TBC1D9: variants seen among roughly 807,000 people sequenced by gnomAD.
The protein encoded by TBC1D9 is TBC1 domain family member 9A.
In TBC1D9, 63 loss-of-function variants were observed where a neutral mutation model predicts 132.0. The ratio of observed to expected loss-of-function variants is 0.48; its 90% CI spans 0.39 to 0.59. TBC1D9 has a LOEUF of 0.59. TBC1D9 is among the 20% of genes least tolerant of loss of function. The probability of loss-of-function intolerance (pLI) is 0.00; values close to 1 mark genes in which losing one functional copy is unlikely to be tolerated. For synonymous variants in TBC1D9, 610 were observed against 609.9 expected (o/e 1.00, Z 0.00); for missense variants, 1,261 against 1,592.7 (o/e 0.79, Z 3.54).
At chr4:140,750,304 A>T (rs927161182) in intron 1 of TBC1D9, among the ~76,000 whole-genome samples, 2 of 152,062 alleles carry the variant, frequency 1.3e-5, no homozygotes, top group African/African-American at 2.4e-5. Flanking sequence ...CCTGTCAAGA[A>T]AGGCAAAGAC....
Position 140,661,907 on chromosome 4 carries a change from T to A in TBC1D9, c.1789A>T (p.Ile597Leu). The A allele has an allele frequency of 6.2e-7, 1 of 1,613,696 alleles. No individual in the cohort carries two copies. Among genetic ancestry groups the A allele is most frequent in the Non-Finnish European group, 8.5e-7 (1 of 1,179,680 alleles). The change falls in exon 10 of 21, where the codon ATA (isoleucine) becomes TTA (leucine). Residue 597 changes from isoleucine (I) to leucine (L), a missense_variant. This residue lies in a region of TBC1D9 where 93 missense variants were observed against 169.2 expected (regional missense o/e 0.55). Coordinates refer to ENST00000442267, the MANE Select transcript of TBC1D9 (RefSeq NM_015130.3). ...LTAYAFRNPNIGYCQAMNIVT... is the reference protein window; with the variant it reads ...LTAYAFRNPNLGYCQAMNIVT... Reference sequence around the variant, plus strand: ...GTGACATTTACCTGGCAATACCCTATGTTGGGATTTCGAAAAGCATAAGCT... The same window carrying A: ...GTGACATTTACCTGGCAATACCCTAAGTTGGGATTTCGAAAAGCATAAGCT...
chr4:140,709,376 T>C (rs769877731), intron 1 of TBC1D9, among the ~76,000 whole-genome samples: 9 of 151,752 alleles, frequency 5.9e-5, no homozygotes. Context: ...TTCTCAAACA[T>C]TGTGGCTAAG....
chr4:140,646,283 G>A (rs951684850), intron 13 of TBC1D9, among the ~76,000 whole-genome samples: 7 of 152,284 alleles, frequency 4.6e-5, no homozygotes, highest in South Asian at 4.1e-4. Flanking sequence ...AACCCAGGTC[G>A]TCTGATTTGA....
intron 13 of TBC1D9, chr4:140,642,844 G>A: frequency 1.7e-6 from 1 of 578,776 alleles, no homozygotes; most frequent in Non-Finnish European, 3.1e-6. Flanking sequence ...GGGCTCTCGG[G>A]GGCGTGGGTC....
At chr4:140,622,972 G>C in intron 20 of TBC1D9, 55 bp from the exon 21 acceptor site, 4 of 1,460,550 alleles carry the variant, frequency 2.7e-6, no homozygotes, top group Non-Finnish European at 3.6e-6. Flanking sequence ...CAGAAAGGCA[G>C]CACTGAAGTG....
At chr4:140,663,839 C>A (rs1737402350) in intron 9 of TBC1D9, among the ~76,000 whole-genome samples, 1 of 151,856 alleles carries the variant, frequency 6.6e-6, no homozygotes, top group Non-Finnish European at 1.5e-5. Flanking sequence ...CTAATATAGT[C>A]AAACTCATAG....
intron 1 of TBC1D9, among the ~76,000 whole-genome samples, chr4:140,748,600 CAT>C (rs1418917967): frequency 6.6e-6 from 1 of 152,180 alleles, no homozygotes; most frequent in African/African-American, 2.4e-5. Context: ...AGAAAAAAGA[CAT>C]ATTACTCACA....
intron 1 of TBC1D9, among the ~76,000 whole-genome samples, chr4:140,712,470 C>T (rs916582133): frequency 0.011 from 333 of 30,214 alleles, 4 homozygotes; most frequent in African/African-American, 0.091. Context: ...ATGCCAGGTG[C>T]GGTGGCTCAG....
chr4:140,652,828 C>A (rs992833290), intron 13 of TBC1D9, among the ~76,000 whole-genome samples: 2 of 152,226 alleles, frequency 1.3e-5, no homozygotes, highest in African/African-American at 4.8e-5. Context: ...AAATGCCTAT[C>A]CATCTTCACA....
intron 13 of TBC1D9, chr4:140,643,533 G>A: frequency 1.1e-6 from 1 of 874,270 alleles, no homozygotes; most frequent in Non-Finnish European, 1.8e-6. Flanking sequence ...CTCCCCGGCG[G>A]GCACGTCACA....
chr4:140,724,640 G>GAA (rs568871378), intron 1 of TBC1D9, among the ~76,000 whole-genome samples: 3 of 128,902 alleles, frequency 2.3e-5, no homozygotes, highest in African/African-American at 2.8e-5. Flanking sequence ...AGAGAAATTG[G>GAA]AAAAAAAAAA....
At chr4:140,652,047 T>C (rs1578825388) in intron 13 of TBC1D9, among the ~76,000 whole-genome samples, 2 of 152,106 alleles carry the variant, frequency 1.3e-5, no homozygotes, top group East Asian at 3.9e-4. Context: ...GAGATCAACC[T>C]AGCCAACTTG....
At position 140,623,117 on chromosome 4, in the gene TBC1D9, CTTT is replaced by C. The variant is rs1485526778; in HGVS notation, c.3079-203_3079-201del. Among the ~76,000 whole-genome samples the C allele has an allele frequency of 2.0e-5, 3 of 152,134 alleles. No homozygotes were observed. In the East Asian group the frequency reaches 5.8e-4, roughly 29 times the overall value. On this transcript the variant is annotated intron_variant, in intron 20 of 20. Transcript: ENST00000442267. ...TATTTCTTTTTGAGACAGGGTCTCT[CTTT>C]GTCGCCCAGGCTGGAGTGCAGTGGT... is the stretch of plus-strand genomic sequence containing the variant.
chr4:140,624,501 A>G (rs1056819109), intron 18 of TBC1D9, 113 bp from the exon 19 acceptor site: 10 of 616,710 alleles, frequency 1.6e-5, no homozygotes, highest in Non-Finnish European at 2.6e-5. Flanking sequence ...CTGATTTAGC[A>G]AACAAACAAA....
chr4:140,655,058 A>G (rs1737244500), intron 13 of TBC1D9, among the ~76,000 whole-genome samples: 1 of 152,140 alleles, frequency 6.6e-6, no homozygotes, highest in Non-Finnish European at 1.5e-5. Flanking sequence ...TATATTAGGG[A>G]ATGCTCATGG....
At position 140,641,090 on chromosome 4, in the gene TBC1D9, C is replaced by CAAAAAAAAAAAAAAAAAAAAAAAA. The variant is rs35813378; in HGVS notation, c.2338-1663_2338-1662insTTTTTTTTTTTTTTTTTTTTTTTT. On this transcript the variant is annotated intron_variant, in intron 13 of 20. Transcript: ENST00000442267. ...TAAATCTTACAATCATAATACTAAG[C>CAAAAAAAAAAAAAAAAAAAAAAAA]AAAAAAAAAAAAAACAAAAAAAAAC... Among the ~76,000 whole-genome samples, 123 of 35,016 alleles carry CAAAAAAAAAAAAAAAAAAAAAAAA rather than the reference C, an allele frequency of 3.5e-3. 5 individuals carry two copies. The highest frequency in any genetic ancestry group is 4.5e-3 in the African/African-American group (34 of 7,626). 23.0% of individuals were successfully genotyped at this position (35,016 alleles called of 152,430 possible). A position where few individuals can be genotyped will look rare whatever the true frequency, so the allele number is the denominator to read the frequency against.
Position 140,679,221 on chromosome 4 carries a change from G to T in TBC1D9, c.590-18C>A. 1 of 1,603,344 alleles carries T rather than the reference G, an allele frequency of 6.2e-7. No homozygotes were observed. Among genetic ancestry groups the T allele is most frequent in the Non-Finnish European group, 8.5e-7 (1 of 1,173,354 alleles). ...CAGTTTCGCTGAGCACAAGGAACAA[G>T]CCTGGGTCAACATCTGATTCCTGAA... On this transcript the variant is annotated intron_variant, in intron 4 of 20. Transcript: ENST00000442267.
At chr4:140,699,689 A>G (rs1738033072) in intron 2 of TBC1D9, among the ~76,000 whole-genome samples, 1 of 152,240 alleles carries the variant, frequency 6.6e-6, no homozygotes. Flanking sequence ...GATATGACCG[A>G]CTAACTATAA....
chr4:140,677,311 A>G (rs921029090), intron 5 of TBC1D9, among the ~76,000 whole-genome samples: 2 of 152,170 alleles, frequency 1.3e-5, no homozygotes, highest in Admixed American at 1.3e-4. Flanking sequence ...AGTCCCTTGC[A>G]TAGTCACTTA....
Sources: allele counts gnomAD v4.1 joint callset (sites outside exome capture counted in the v4.1 genomes callset), GRCh38; gene constraint gnomAD v4.1.1; regional missense constraint gnomAD v4.1.1; transcripts MANE v1.5; gene names NCBI Gene and HGNC (gene_info 2026-07-23, HGNC 2026-07-21).